TMEM132D: variants seen among roughly 807,000 people sequenced by gnomAD.
The protein encoded by TMEM132D is transmembrane protein 132D.
Under a neutral mutation model 62.3 loss-of-function variants are expected in TMEM132D, and 21 were observed. The observed-to-expected ratio is 0.34, with a 90% CI of 0.24 to 0.49. The LOEUF is 0.49. Ranked by LOEUF, TMEM132D falls within the 20% of genes least tolerant of loss-of-function variation. The pLI is 0.99. For synonymous variants in TMEM132D, 621 were observed against 575.6 expected, an observed-to-expected ratio of 1.08 and a Z score of -1.13; for missense variants, 1,346 against 1,402.8, an observed-to-expected ratio of 0.96 and a Z score of 0.65.
At chr12:129,640,016 GT>G (rs1879600649) in intron 2 of TMEM132D, among the ~76,000 whole-genome samples, 1 of 151,182 alleles carries the variant, frequency 6.6e-6, no homozygotes, top group Non-Finnish European at 1.5e-5. Context: ...GCTGCCACAT[GT>G]TTCTTGGCAT....
chr12:129,498,317 G>A (rs899259108), intron 3 of TMEM132D, among the ~76,000 whole-genome samples: 1 of 152,100 alleles, frequency 6.6e-6, no homozygotes, highest in Admixed American at 6.5e-5. Context: ...GCAGTGGCAC[G>A]ATCTCAGCTC....
intron 2 of TMEM132D, among the ~76,000 whole-genome samples, chr12:129,649,936 A>ATG (rs200413321): frequency 1.5e-4 from 22 of 149,912 alleles, no homozygotes; most frequent in Admixed American, 3.3e-4. Flanking sequence ...ATGTTTATGT[A>ATG]TGTGTGTGTG....
intron 2 of TMEM132D, among the ~76,000 whole-genome samples, chr12:129,552,007 T>C (rs955978210): frequency 2.0e-5 from 3 of 152,174 alleles, no homozygotes; most frequent in African/African-American, 4.8e-5. Flanking sequence ...TCCTTATACA[T>C]AGGCGAGGGA....
intron 1 of TMEM132D, among the ~76,000 whole-genome samples, chr12:129,784,120 C>T (rs1304140320): frequency 6.6e-6 from 1 of 152,182 alleles, no homozygotes; most frequent in Non-Finnish European, 1.5e-5. Context: ...GCTTCACCCA[C>T]CTACTGCAAC....
intron 3 of TMEM132D, among the ~76,000 whole-genome samples, chr12:129,456,867 A>G (rs970194506): frequency 6.6e-6 from 1 of 152,194 alleles, no homozygotes; most frequent in African/African-American, 2.4e-5. Flanking sequence ...GAGAGTAGGG[A>G]GCATCGTATT....
At chr12:129,580,988 T>C (rs1354997777) in intron 2 of TMEM132D, among the ~76,000 whole-genome samples, 1 of 152,140 alleles carries the variant, frequency 6.6e-6, no homozygotes, top group African/African-American at 2.4e-5. Context: ...AATGCTGTAG[T>C]TTCTATATCT....
intron 2 of TMEM132D, among the ~76,000 whole-genome samples, chr12:129,551,529 A>T (rs1876898116): frequency 6.6e-6 from 1 of 152,178 alleles, no homozygotes; most frequent in Non-Finnish European, 1.5e-5. Flanking sequence ...CATTTGCTTT[A>T]AAAAAATCCA....
chr12:129,391,534 C>T (rs1871289628), intron 3 of TMEM132D, among the ~76,000 whole-genome samples: 1 of 152,220 alleles, frequency 6.6e-6, no homozygotes, highest in Admixed American at 6.5e-5. Context: ...GGTGCCTGGA[C>T]AAGCCCAGTG....
At chr12:129,584,224 T>C (rs1431870787) in intron 2 of TMEM132D, among the ~76,000 whole-genome samples, 1 of 152,226 alleles carries the variant, frequency 6.6e-6, no homozygotes, top group Non-Finnish European at 1.5e-5. Flanking sequence ...TTTCTTCCTC[T>C]TCCACCCAGT....
At chr12:129,512,602 T>C (rs1025395222) in intron 3 of TMEM132D, among the ~76,000 whole-genome samples, 3 of 152,218 alleles carry the variant, frequency 2.0e-5, no homozygotes, top group Non-Finnish European at 4.4e-5. Flanking sequence ...CTTAGCTGGA[T>C]TGTTTTAGCT....
intron 3 of TMEM132D, among the ~76,000 whole-genome samples, chr12:129,517,863 G>C (rs536275053): frequency 5.9e-5 from 9 of 152,170 alleles, no homozygotes; most frequent in Admixed American, 1.3e-4. Flanking sequence ...TATTTATGCT[G>C]TAAAAGAAAA....
chr12:129,831,876 C>CT (rs71085576), intron 1 of TMEM132D, among the ~76,000 whole-genome samples: 78,065 of 134,488 alleles, frequency 0.58, 24,946 homozygotes, highest in Non-Finnish European at 0.71. Context: ...CTTTCTTTTT[C>CT]TTTTTTTTTT....
At chr12:129,129,265 G>A (rs1876301322) in intron 5 of TMEM132D, among the ~76,000 whole-genome samples, 1 of 151,962 alleles carries the variant, frequency 6.6e-6, no homozygotes. Flanking sequence ...TTCACTGATA[G>A]TTCACTTAGG....
At position 129,384,186 on chromosome 12, in the gene TMEM132D, A is replaced by G. The variant is rs568503156; in HGVS notation, c.1116-46369T>C. On this transcript the variant is annotated intron_variant, in intron 3 of 8. Coordinates refer to ENST00000422113, the MANE Select transcript of TMEM132D (RefSeq NM_133448.3). ...CCAAACCTTATGTATAAAAATGAAA[A>G]TGCAGCACTCAGCTGCCAAGTCAAC... 2.6e-5 allele frequency among the ~76,000 whole-genome samples: 4 copies of G among 152,348 alleles called. 1 individual carries two copies. Among genetic ancestry groups the G allele is most frequent in the Admixed American group, 6.5e-5 (1 of 15,300 alleles).
At chr12:129,559,924 C>T (rs768570911) in intron 2 of TMEM132D, among the ~76,000 whole-genome samples, 2 of 152,150 alleles carry the variant, frequency 1.3e-5, no homozygotes, top group Non-Finnish European at 2.9e-5. Context: ...ATAGCATGCA[C>T]GTGGAATACA....
At chr12:129,665,469 C>T (rs188302967) in intron 2 of TMEM132D, among the ~76,000 whole-genome samples, 185 of 150,976 alleles carry the variant, frequency 1.2e-3, no homozygotes, top group African/African-American at 4.1e-3. Flanking sequence ...GCCATCTTTG[C>T]GGAAAATTAA....
chr12:129,580,646 G>A (rs1877823310), intron 2 of TMEM132D, among the ~76,000 whole-genome samples: 1 of 152,164 alleles, frequency 6.6e-6, no homozygotes, highest in South Asian at 2.1e-4. Context: ...AAAGGTTGCA[G>A]TAAGCCGAGA....
chr12:129,156,302 C>T (rs372634825), intron 5 of TMEM132D, among the ~76,000 whole-genome samples: 79 of 151,704 alleles, frequency 5.2e-4, no homozygotes, highest in African/African-American at 1.8e-3. Context: ...CCTGTGATAC[C>T]CAACCCACTT....
Position 129,615,713 on chromosome 12 carries a change from C to T in TMEM132D, c.968+84097G>A, listed in dbSNP as rs192120611. Among the ~76,000 whole-genome samples the T allele has an allele frequency of 3.0e-3, 446 of 150,968 alleles. 5 individuals carry two copies. Among genetic ancestry groups the T allele is most frequent in the Non-Finnish European group, 2.5e-3 (171 of 67,858 alleles). ...CTTGAGTCCAGGAGGTCGAGGCTGC[C>T]GTGGGTTGTGATCATGCCACAGCCT... On this transcript the variant is annotated intron_variant, in intron 2 of 8. Transcript: ENST00000422113.
Sources: gnomAD v4.1 joint callset for allele counts (sites outside exome capture counted in the v4.1 genomes callset) on GRCh38, gnomAD v4.1.1 for gene constraint, MANE v1.5 for transcripts, NCBI Gene and HGNC (gene_info 2026-07-23, HGNC 2026-07-21) for gene names.